ADGRL2: variants seen among roughly 807,000 people sequenced by gnomAD.
ADGRL2 encodes the protein calcium-independent alpha-latrotoxin receptor 2.
Under a neutral mutation model 157.4 loss-of-function variants are expected in ADGRL2, and 44 were observed. The observed-to-expected ratio is 0.28, with a 90% confidence interval of 0.22 to 0.36. The LOEUF (loss-of-function observed/expected upper bound fraction) is 0.36. Among genes scored for constraint, ADGRL2 ranks in the 10% least tolerant of loss-of-function variants. The pLI is 1.00. For synonymous variants in ADGRL2, 585 were observed against 624.7 expected (o/e 0.94, Z 0.95); for missense variants, 1,510 against 1,768.9 (o/e 0.85, Z 2.63).
chr1:81,840,561 A>G (rs2092531361), intron 2 of ADGRL2, among the ~76,000 whole-genome samples: 1 of 152,152 alleles, frequency 6.6e-6, no homozygotes, highest in African/African-American at 2.4e-5. Context: ...TGAACATGGC[A>G]AAAGCTAATT....
At chr1:81,533,752 C>T (rs1013681371) in intron 2 of ADGRL2, among the ~76,000 whole-genome samples, 1 of 152,162 alleles carries the variant, frequency 6.6e-6, no homozygotes, top group Non-Finnish European at 1.5e-5. Context: ...GCTTAGTGTT[C>T]ATTATTCTGG....
chr1:81,369,967 C>T lies in ADGRL2; in HGVS notation c.-302+63458C>T, dbSNP rs556642090. Among the ~76,000 whole-genome samples the T allele has an allele frequency of 2.0e-5, 3 of 152,224 alleles. No individual in the cohort carries two copies. In the South Asian group the frequency reaches 6.2e-4, roughly 32 times the overall value. On this transcript the variant is annotated intron_variant, in intron 1 of 24. Transcript: ENST00000370721. ...GTGGAACAGCCTTGAGAGTTTCTTC[C>T]TTACAGAGTGATGTCATCAGTTAGT...
intron 1 of ADGRL2, among the ~76,000 whole-genome samples, chr1:81,810,641 T>A (rs2149653076): frequency 6.6e-6 from 1 of 152,052 alleles, no homozygotes; most frequent in African/African-American, 2.4e-5. Context: ...ACATTAATTT[T>A]GATAATATTC....
At position 81,385,852 on chromosome 1, in the gene ADGRL2, T is replaced by A. The variant is rs114343773; in HGVS notation, c.-301-59184T>A. On this transcript the variant is annotated intron_variant, in intron 1 of 24. Coordinates refer to the ADGRL2 transcript ENST00000370721. ...TTTCAAATCTAGAGTTGCTGCTAAG[T>A]AAACATAAAGATTTACTCAAGAAGA... Among the ~76,000 whole-genome samples the A allele has an allele frequency of 2.5e-3, 378 of 152,186 alleles. 3 individuals are homozygous for A. Among genetic ancestry groups the A allele is most frequent in the African/African-American group, 8.8e-3 (367 of 41,550 alleles).
At chr1:81,483,671 G>A (rs533246075) in intron 2 of ADGRL2, among the ~76,000 whole-genome samples, 2 of 152,266 alleles carry the variant, frequency 1.3e-5, no homozygotes, top group South Asian at 2.1e-4. Flanking sequence ...GCTAGTTATA[G>A]CATGATTAGA....
chr1:81,734,826 G>A (rs1051542146), intron 1 of ADGRL2, among the ~76,000 whole-genome samples: 7 of 148,362 alleles, frequency 4.7e-5, no homozygotes, highest in Admixed American at 4.0e-4. Flanking sequence ...CTGAGGTCGG[G>A]AGTTCAAGAC....
At position 81,898,794 on chromosome 1, in the gene ADGRL2, A is replaced by G. The variant is rs765648933; in HGVS notation, c.74-8223A>G. ...TGAAATAAGCTTTCTGGATGCTTCTAAATTTCACTTCAGCCTGGTTGAAAT... is the reference window on the plus strand; with the variant it reads ...TGAAATAAGCTTTCTGGATGCTTCTGAATTTCACTTCAGCCTGGTTGAAAT... On this transcript the variant is annotated intron_variant, in intron 2 of 23. Transcript: ENST00000686636. Among the ~76,000 whole-genome samples the G allele has an allele frequency of 2.6e-5, 4 of 152,332 alleles. No individual in the cohort carries two copies. In the South Asian group the frequency reaches 6.2e-4, roughly 24 times the overall value.
At chr1:81,747,777 A>G (rs1358903976) in intron 1 of ADGRL2, among the ~76,000 whole-genome samples, 1 of 151,586 alleles carries the variant, frequency 6.6e-6, no homozygotes, top group African/African-American at 2.4e-5. Flanking sequence ...GAGACAAAGT[A>G]TGTGTAGAAA....
chr1:81,436,533 C>G (rs539065057), intron 1 of ADGRL2, among the ~76,000 whole-genome samples: 19 of 152,268 alleles, frequency 1.2e-4, no homozygotes, highest in Non-Finnish European at 2.6e-4. Flanking sequence ...CACTTTATGG[C>G]TCTTTGTTCC....
chr1:81,992,281 C>T lies in ADGRL2; in HGVS notation c.*1136C>T, dbSNP rs950174092. On this transcript the variant is annotated 3_prime_UTR_variant, in exon 24 of 24. Coordinates refer to ENST00000686636, the MANE Select transcript of ADGRL2 (RefSeq NM_001366006.2). Reference sequence around the variant, plus strand: ...AATTAATTTATTTTATGATAAAGTTCTAATGAAATGTAAATTGTTTCAGCA... The same window carrying T: ...AATTAATTTATTTTATGATAAAGTTTTAATGAAATGTAAATTGTTTCAGCA... The T allele has an allele frequency of 6.6e-6, 1 of 152,442 alleles. No individual in the cohort carries two copies. The highest frequency in any genetic ancestry group is 2.4e-5 in the African/African-American group (1 of 41,398). The allele number at this position is 152,442 out of a possible 1,614,324, so 9.4% of individuals were successfully genotyped here.
At chr1:81,455,854 G>A (rs1190075681) in intron 2 of ADGRL2, among the ~76,000 whole-genome samples, 1 of 152,182 alleles carries the variant, frequency 6.6e-6, no homozygotes, top group Non-Finnish European at 1.5e-5. Flanking sequence ...GATGAATCAA[G>A]GATGAGGTCA....
chr1:81,816,062 TTAAG>T (rs1216449382), intron 1 of ADGRL2, among the ~76,000 whole-genome samples: 1 of 151,844 alleles, frequency 6.6e-6, no homozygotes, highest in Non-Finnish European at 1.5e-5. Flanking sequence ...CAAGCATCAC[TTAAG>T]TATTTTTAGA....
At position 81,968,169 on chromosome 1, in the gene ADGRL2, T is replaced by C; in HGVS notation, c.2493T>C (p.Phe831=). ...GTGCATGCAGCCACCTAACCAATTT[T>C]GCAATTCTCATGGCCCACAGGGAAA... is the stretch of plus-strand genomic sequence containing the variant. The part of the protein sequence containing the change: ...TTCACSHLTN[F]AILMAHREIA... The change falls in exon 14 of 24, where the codon TTT becomes TTC. Residue 831 remains phenylalanine, a synonymous_variant. Transcript: ENST00000686636. 1 of 1,612,346 alleles carries C rather than the reference T, an allele frequency of 6.2e-7. No homozygotes were observed.
chr1:81,867,391 T>C (rs760554998), intron 2 of ADGRL2, among the ~76,000 whole-genome samples: 5 of 152,206 alleles, frequency 3.3e-5, no homozygotes, highest in African/African-American at 1.2e-4. Flanking sequence ...CCTGGAGTAT[T>C]CTGACTGCTG....
intron 3 of ADGRL2, among the ~76,000 whole-genome samples, chr1:81,605,488 A>G (rs1044632931): frequency 6.6e-6 from 1 of 152,242 alleles, no homozygotes; most frequent in Non-Finnish European, 1.5e-5. Flanking sequence ...AAAGGAATTT[A>G]AACTAAGCCC....
rs551343752 is a variant in ADGRL2 at position 81,503,244 on chromosome 1, G to C, written c.-248+58155G>C. On this transcript the variant is annotated intron_variant, in intron 2 of 24. Coordinates refer to the ADGRL2 transcript ENST00000370721. Reference sequence around the variant, plus strand: ...AGGCCTCGGCTGCAGCACTGAACCTGACCACGAGTAGCATTGGGAGCGTTA... The same window carrying C: ...AGGCCTCGGCTGCAGCACTGAACCTCACCACGAGTAGCATTGGGAGCGTTA... The C allele has an allele frequency of 1.9e-4, 309 of 1,614,206 alleles. 4 individuals carry two copies. The South Asian group carries it at 3.2e-3, about 17-fold the overall frequency.
chr1:81,403,321 G>A (rs2076793704), intron 1 of ADGRL2, among the ~76,000 whole-genome samples: 1 of 151,972 alleles, frequency 6.6e-6, no homozygotes, highest in African/African-American at 2.4e-5. Context: ...CTGGAGTGCA[G>A]CGGCATGATC....
chr1:81,585,702 G>C (rs1030506975), intron 3 of ADGRL2, among the ~76,000 whole-genome samples: 3 of 152,060 alleles, frequency 2.0e-5, no homozygotes, highest in Non-Finnish European at 4.4e-5. Flanking sequence ...GGATTATTGT[G>C]CTTGCCTTCT....
intron 2 of ADGRL2, among the ~76,000 whole-genome samples, chr1:81,903,792 ATATATATACACATTT>A (rs1354448444): frequency 7.1e-6 from 1 of 140,746 alleles, no homozygotes; most frequent in East Asian, 2.1e-4. Context: ...TACACATTAT[ATATATATACACATTT>A]TATATACACA....
Sources: gnomAD v4.1 joint callset for allele counts (sites outside exome capture counted in the v4.1 genomes callset) on GRCh38, gnomAD v4.1.1 for gene constraint, MANE v1.5 for transcripts, NCBI Gene and HGNC (gene_info 2026-07-23, HGNC 2026-07-21) for gene names.